The following SDK1 variants were observed in gnomAD, a reference collection of about 807,000 sequenced individuals.
The protein encoded by SDK1 is sidekick cell adhesion molecule 1, also known as protein sidekick-1.
In SDK1, 157 loss-of-function variants were observed where a neutral mutation model predicts 245.5. The ratio of observed to expected loss-of-function variants is 0.64; its 90% CI spans 0.56 to 0.73. SDK1 has a LOEUF of 0.73. Ranked by LOEUF, SDK1 falls within the 30% of genes least tolerant of loss-of-function variation. SDK1 has a pLI of 0.00. For synonymous variants in SDK1, 1,647 were observed against 1,278.5 expected (o/e 1.29, Z -6.15); for missense variants, 3,583 against 3,002.3 (o/e 1.19, Z -4.52).
chr7:3,422,779 G>C (rs1176974140), intron 1 of SDK1, among the ~76,000 whole-genome samples: 1 of 152,146 alleles, frequency 6.6e-6, no homozygotes, highest in Non-Finnish European at 1.5e-5. Flanking sequence ...ATGTGGGAGA[G>C]GAAATGATAC....
chr7:4,003,531 G>A (rs967803549), intron 14 of SDK1, among the ~76,000 whole-genome samples: 6 of 152,168 alleles, frequency 3.9e-5, no homozygotes, highest in African/African-American at 7.2e-5. Flanking sequence ...TTTGTAGAAC[G>A]TCACTCAATC....
intron 5 of SDK1, among the ~76,000 whole-genome samples, chr7:3,872,761 C>T (rs752865153): frequency 3.9e-5 from 6 of 151,986 alleles, no homozygotes; most frequent in Middle Eastern, 3.2e-3. Context: ...AAACTTTCAT[C>T]ATGGATGCTA....
At chr7:3,326,217 G>A (rs56692246) in intron 1 of SDK1, among the ~76,000 whole-genome samples, 2,158 of 152,168 alleles carry the variant, frequency 0.014, 56 homozygotes, top group African/African-American at 0.049. Context: ...CGAGATAACC[G>A]TTGTGAACAT....
chr7:4,073,954 A>G (rs1311556491), intron 20 of SDK1, among the ~76,000 whole-genome samples: 1 of 141,976 alleles, frequency 7.0e-6, no homozygotes, highest in Non-Finnish European at 1.5e-5. Flanking sequence ...TCATAGGCTG[A>G]GCACTATGGG....
In SDK1 at chr7:4,180,992, G is replaced by A. The variant is rs148029587; in HGVS notation, c.5098+2406G>A. On this transcript the variant is annotated intron_variant, in intron 35 of 44. Coordinates refer to ENST00000404826, the MANE Select transcript of SDK1 (RefSeq NM_152744.4). ...GCGTATAACATGGAAAGCATTCTCC[G>A]TGTGCAGTTCAGCGGCATTCAGGAT... Among the ~76,000 whole-genome samples the A allele has an allele frequency of 2.5e-3, 382 of 152,288 alleles. 4 individuals are homozygous for A. The highest frequency in any genetic ancestry group is 0.018 in the East Asian group (94 of 5,172).
chr7:4,139,687 G>A (rs1245857049), intron 28 of SDK1, among the ~76,000 whole-genome samples: 4 of 143,352 alleles, frequency 2.8e-5, no homozygotes, highest in East Asian at 2.0e-4. Context: ...ATGTGTGTGT[G>A]TGTATGTGTG....
chr7:3,800,370 C>CTTACTTAT (rs1554263702), intron 4 of SDK1, among the ~76,000 whole-genome samples: 2 of 148,886 alleles, frequency 1.3e-5, no homozygotes, highest in East Asian at 3.9e-4. Flanking sequence ...TACTTACTTA[C>CTTACTTAT]TTATTTATTT....
At chr7:3,694,510 C>T (rs1180954058) in intron 4 of SDK1, among the ~76,000 whole-genome samples, 2 of 152,092 alleles carry the variant, frequency 1.3e-5, no homozygotes, top group Non-Finnish European at 2.9e-5. Context: ...AGAAATTACA[C>T]CTCAGTCGGG....
chr7:3,567,751 G>T (rs901989184), intron 1 of SDK1, among the ~76,000 whole-genome samples: 1 of 152,138 alleles, frequency 6.6e-6, no homozygotes, highest in Non-Finnish European at 1.5e-5. Flanking sequence ...CTGTGCCTTT[G>T]ATGGCTGCAT....
chr7:3,687,136 A>G (rs1784309651), intron 4 of SDK1, among the ~76,000 whole-genome samples: 1 of 150,508 alleles, frequency 6.6e-6, no homozygotes, highest in Non-Finnish European at 1.5e-5. Context: ...TCCAAGACAA[A>G]TGAAAAATTA....
intron 5 of SDK1, among the ~76,000 whole-genome samples, chr7:3,886,378 G>GGCA (rs1158087740): frequency 6.6e-6 from 1 of 152,246 alleles, no homozygotes; most frequent in East Asian, 1.9e-4. Flanking sequence ...AGAGGACACA[G>GGCA]GCAGCAGCAG....
At chr7:3,613,028 T>G (rs1157422326) in intron 1 of SDK1, among the ~76,000 whole-genome samples, 2 of 152,172 alleles carry the variant, frequency 1.3e-5, no homozygotes, top group African/African-American at 4.8e-5. Context: ...TAGGTGATGA[T>G]TATCCTAGTG....
chr7:3,562,774 T>C (rs1028568298), intron 1 of SDK1, among the ~76,000 whole-genome samples: 3 of 152,146 alleles, frequency 2.0e-5, no homozygotes, highest in Admixed American at 2.0e-4. Flanking sequence ...CCAGCCCAAT[T>C]GTCACTCACA....
At chr7:3,318,644 T>C (rs12700789) in intron 1 of SDK1, among the ~76,000 whole-genome samples, 91,839 of 152,034 alleles carry the variant, frequency 0.6, 28,663 homozygotes, top group African/African-American at 0.78. Context: ...TCTTCTCTCC[T>C]ACTTACCTCC....
At position 4,139,148 on chromosome 7, in the gene SDK1, G is replaced by C. The variant is rs372537193; in HGVS notation, c.4229-6574G>C. ...ACGGCCCCTGCCTTGATGCACACAC[G>C]TTCATCAGCTTCTTCTCCGTGTCAC... On this transcript the variant is annotated intron_variant, in intron 28 of 44. Transcript: ENST00000404826. 2.4e-4 allele frequency among the ~76,000 whole-genome samples: 36 copies of C among 151,966 alleles called. No homozygotes were observed. In the East Asian group the frequency reaches 5.7e-3, roughly 24 times the overall value.
intron 5 of SDK1, among the ~76,000 whole-genome samples, chr7:3,935,380 GA>G (rs903400534): frequency 2.0e-5 from 3 of 152,116 alleles, no homozygotes; most frequent in African/African-American, 7.2e-5. Context: ...GGCAACAAAA[GA>G]AAAAATCAAA....
chr7:4,041,382 G>A lies in SDK1; in HGVS notation c.2603-7966G>A, dbSNP rs576125787. ...ATACTCTCTGCCCAACATGTACAAA[G>A]CCTCTCCCACTATCAGCATCCCCCA... On this transcript the variant is annotated intron_variant, in intron 17 of 44. Transcript: ENST00000404826. Among the ~76,000 whole-genome samples the A allele has an allele frequency of 7.3e-5, 11 of 151,070 alleles. 1 individual carries two copies. Among genetic ancestry groups the A allele is most frequent in the African/African-American group, 2.7e-4 (11 of 40,918 alleles).
At chr7:3,469,814 A>T (rs923616740) in intron 1 of SDK1, among the ~76,000 whole-genome samples, 2 of 152,164 alleles carry the variant, frequency 1.3e-5, no homozygotes, top group African/African-American at 2.4e-5. Flanking sequence ...TCTGTCAGGC[A>T]TTTTCCCAAA....
At chr7:3,414,462 T>C (rs1331333048) in intron 1 of SDK1, among the ~76,000 whole-genome samples, 2 of 152,156 alleles carry the variant, frequency 1.3e-5, no homozygotes, top group African/African-American at 4.8e-5. Context: ...GGAGAATGTT[T>C]GTTTCTTTGG....
Sources: gnomAD v4.1 joint callset for allele counts (sites outside exome capture counted in the v4.1 genomes callset) on GRCh38, gnomAD v4.1.1 for gene constraint, MANE v1.5 for transcripts, NCBI Gene and HGNC (gene_info 2026-07-23, HGNC 2026-07-21) for gene names.